Variants in PRMT1 observed in about 807,000 individuals in gnomAD.
The protein encoded by PRMT1 is protein arginine N-methyltransferase 1.
Under a neutral mutation model 47.4 loss-of-function variants are expected in PRMT1, and 5 were observed. The ratio of observed to expected loss-of-function variants is 0.11; its 90% CI spans 0.06 to 0.22. The LOEUF (loss-of-function observed/expected upper bound fraction) is 0.22. PRMT1 is among the 10% of genes least tolerant of loss of function. PRMT1 has a pLI of 1.00. For missense variants in PRMT1, 249 were observed against 518.4 expected (o/e 0.48, Z 5.05); for synonymous variants, 227 against 204.6 (o/e 1.11, Z -0.94).
At chr19:49,683,896 G>A in intron 5 of PRMT1, 31 bp from the exon 6 acceptor site, 3 of 1,599,032 alleles carry the variant, frequency 1.9e-6, no homozygotes, top group Non-Finnish European at 2.6e-6. Context: ...GCCTCCCGGG[G>A]GCTGACGTGG....
In PRMT1 at chr19:49,683,725, C is replaced by T. The variant is rs568024069; in HGVS notation, c.413-202C>T. The T allele has an allele frequency of 6.9e-5, 39 of 562,070 alleles. 1 individual carries two copies. In the South Asian group the frequency reaches 7.8e-4, roughly 11 times the overall value. The allele number at this position is 562,070 out of a possible 1,614,324, so 34.8% of individuals were successfully genotyped here. A position where few individuals can be genotyped will look rare whatever the true frequency, so the allele number is the denominator to read the frequency against. Reference sequence around the variant, plus strand: ...AAAAAAAAAGTAACATCACCTGATACCCAGTCCACATAAAATTTCTGCTCC... The same window carrying T: ...AAAAAAAAAGTAACATCACCTGATATCCAGTCCACATAAAATTTCTGCTCC... On this transcript the variant is annotated intron_variant, in intron 5 of 10. Transcript: ENST00000454376.
At position 49,680,872 on chromosome 19, in the gene PRMT1, G is replaced by A. The variant is rs976380611; in HGVS notation, c.192+284G>A. Among the ~76,000 whole-genome samples the A allele has an allele frequency of 5.3e-5, 8 of 152,344 alleles. No homozygotes were observed. Among genetic ancestry groups the A allele is most frequent in the Admixed American group, 1.3e-4 (2 of 15,308 alleles). ...CGGGCAGGGCCCACTGGTCTCTGCC[G>A]CCCTCTAGTGACCGGCGGTGGGACT... On this transcript the variant is annotated intron_variant, in intron 3 of 10. Transcript: ENST00000454376. The surrounding 1 kb of genome is among the most constrained non-coding windows in gnomAD (Gnocchi z 4.2).
At chr19:49,687,676 C>T (rs1402633885) in intron 10 of PRMT1, among the ~76,000 whole-genome samples, 4 of 152,098 alleles carry the variant, frequency 2.6e-5, no homozygotes, top group East Asian at 1.9e-4. Context: ...CCCGGGACCA[C>T]GGCACTAGCT....
Position 49,685,221 on chromosome 19 carries a change from G to T in PRMT1, c.759+184G>T, listed in dbSNP as rs192230368. On this transcript the variant is annotated intron_variant, in intron 8 of 10. Coordinates refer to ENST00000454376, the MANE Select transcript of PRMT1 (RefSeq NM_001536.6). This position sits in a 1 kb window ranked among gnomAD's most constrained non-coding sequence, Gnocchi z 4.7. ...TCGTCCTTTAAATATCTTTGTGAGC[G>T]CTGCTGTGTGAGAACCATGCTTGGC... 1.2e-5 allele frequency: 18 copies of T among 1,520,466 alleles called. No individual in the cohort carries two copies. The highest frequency in any genetic ancestry group is 1.5e-5 in the Non-Finnish European group (17 of 1,138,010). The allele number at this position is 1,520,466 out of a possible 1,614,324, so 94.2% of individuals were successfully genotyped here.
chr19:49,679,669 G>C (rs1277406412), intron 1 of PRMT1: 1 of 685,898 alleles, frequency 1.5e-6, no homozygotes, highest in Non-Finnish European at 2.7e-6. Context: ...AGCTGGGATA[G>C]GAGACCCCCC....
chr19:49,676,690 G>A (rs1481857561), upstream of PRMT1, among the ~76,000 whole-genome samples: 1 of 152,152 alleles, frequency 6.6e-6, no homozygotes, highest in Non-Finnish European at 1.5e-5. Context: ...CCCGGGTTGG[G>A]AGGATCCACC....
Position 49,685,052 on chromosome 19 carries a change from A to C in PRMT1, c.759+15A>C. ...GCCTCATAAAGGTGAGGGGGTGGGC[A>C]TGGCCAGGTGCCCCCTGGGTTGAAA... is the stretch of plus-strand genomic sequence containing the variant. On this transcript the variant is annotated intron_variant, in intron 8 of 10. Transcript: ENST00000454376. The surrounding 1 kb of genome is among the most constrained non-coding windows in gnomAD (Gnocchi z 4.7). 1 of 1,614,086 alleles carries C rather than the reference A, an allele frequency of 6.2e-7. No individual in the cohort carries two copies. The highest frequency in any genetic ancestry group is 1.1e-5 in the South Asian group (1 of 91,062).
Position 49,684,609 on chromosome 19 carries a change from T to C in PRMT1, c.556-145T>C. 1 of 965,716 alleles carries C rather than the reference T, an allele frequency of 1.0e-6. No homozygotes were observed. Among genetic ancestry groups the C allele is most frequent in the East Asian group, 2.7e-5 (1 of 37,144 alleles). The allele number at this position is 965,716 out of a possible 1,614,324, so 59.8% of individuals were successfully genotyped here. On this transcript the variant is annotated intron_variant, in intron 6 of 10. Transcript: ENST00000454376. The surrounding 1 kb of genome is among the most constrained non-coding windows in gnomAD (Gnocchi z 6.2). ...CCCTGGGTGCCCTCTGGCGGCCGTG[T>C]GGGAAATAGACCAGGGGGCGAGGGG...
At chr19:49,686,784 G>A (rs141919954) in intron 10 of PRMT1, 58 bp downstream of exon 10, 29 of 1,052,830 alleles carry the variant, frequency 2.8e-5, no homozygotes, top group African/African-American at 5.4e-5. Flanking sequence ...GTGTAGATTG[G>A]GGGGGGAGTG....
Position 49,680,752 on chromosome 19 carries a change from C to T in PRMT1, c.192+164C>T, listed in dbSNP as rs1023405498. Among the ~76,000 whole-genome samples the T allele has an allele frequency of 6.6e-6, 1 of 152,280 alleles. No homozygotes were observed. The highest frequency in any genetic ancestry group is 1.5e-5 in the Non-Finnish European group (1 of 68,048). On this transcript the variant is annotated intron_variant, in intron 3 of 10. Coordinates refer to ENST00000454376, the MANE Select transcript of PRMT1 (RefSeq NM_001536.6). The surrounding 1 kb of genome is among the most constrained non-coding windows in gnomAD (Gnocchi z 4.2). ...TAGGGTCGCCTCGCCAAGCCGTTGC[C>T]TTGGAGACCGAGGTTAGCCTGAATC...
chr19:49,679,807 C>T (rs376813927), intron 1 of PRMT1, 65 bp from the exon 2 acceptor site: 101 of 1,362,952 alleles, frequency 7.4e-5, no homozygotes, highest in Non-Finnish European at 9.2e-5. Flanking sequence ...GCCCAGGTTC[C>T]GCCACCCAGC....
Position 49,684,585 on chromosome 19 carries a change from C to G in PRMT1, c.556-169C>G, listed in dbSNP as rs1479066709. ...AGGGCCGGGAGCTGACTGGGGTGCC[C>G]CTGGGTGCCCTCTGGCGGCCGTGTG... On this transcript the variant is annotated intron_variant, in intron 6 of 10. Transcript: ENST00000454376. This position sits in a 1 kb window ranked among gnomAD's most constrained non-coding sequence, Gnocchi z 6.2. Among the ~76,000 whole-genome samples the G allele has an allele frequency of 6.6e-6, 1 of 152,158 alleles. No individual in the cohort carries two copies. Among genetic ancestry groups the G allele is most frequent in the Admixed American group, 6.5e-5 (1 of 15,282 alleles).
rs532929204 is a variant in PRMT1 at position 49,684,462 on chromosome 19, G to A, written c.556-292G>A. On this transcript the variant is annotated intron_variant, in intron 6 of 10. Coordinates refer to ENST00000454376, the MANE Select transcript of PRMT1 (RefSeq NM_001536.6). This position sits in a 1 kb window ranked among gnomAD's most constrained non-coding sequence, Gnocchi z 6.2. ...AGCAGGAGGAGGAGTGGAGGTGAGG[G>A]GTGACAGGGCGTGTGCAGATTTTGT... Among the ~76,000 whole-genome samples the A allele has an allele frequency of 9.2e-5, 14 of 152,222 alleles. No homozygotes were observed. The highest frequency in any genetic ancestry group is 8.5e-4 in the Admixed American group (13 of 15,302).
intron 5 of PRMT1, 33 bp downstream of exon 5, chr19:49,682,292 T>C: frequency 6.2e-7 from 1 of 1,604,784 alleles, no homozygotes; most frequent in Middle Eastern, 2.2e-4. Flanking sequence ...TTTGTGGGAG[T>C]GGAGGGGGTG....
At chr19:49,686,554 G>T in intron 9 of PRMT1, 51 bp from the exon 10 acceptor site, 1 of 1,573,998 alleles carries the variant, frequency 6.4e-7, no homozygotes, top group Non-Finnish European at 8.6e-7. Flanking sequence ...CGCAAGGGTG[G>T]GGTTGGGGGG....
chr19:49,677,400 T>C (rs777324091), intron 1 of PRMT1, 84 bp downstream of exon 1: 79 of 1,238,586 alleles, frequency 6.4e-5, no homozygotes, highest in Admixed American at 2.8e-4. Context: ...GGGCTCTAAG[T>C]TGGCGATATG....
Position 49,679,429 on chromosome 19 carries a change from C to A in PRMT1, c.37-443C>A, listed in dbSNP as rs376050893. The stretch of plus-strand genomic sequence containing the variant: ...CTGGTTTGCAGAGGTGGCAGATGCC[C>A]TGTGGGCATATCCTGCCAGCCCCGC... On this transcript the variant is annotated intron_variant, in intron 1 of 10. Coordinates refer to ENST00000454376, the MANE Select transcript of PRMT1 (RefSeq NM_001536.6). Among the ~76,000 whole-genome samples the A allele has an allele frequency of 8.1e-4, 123 of 152,282 alleles. 2 individuals carry two copies. The South Asian group carries it at 0.025, about 31-fold the overall frequency.
At chr19:49,679,215 G>T (rs2082079829) in intron 1 of PRMT1, among the ~76,000 whole-genome samples, 1 of 152,112 alleles carries the variant, frequency 6.6e-6, no homozygotes, top group Non-Finnish European at 1.5e-5. Context: ...ATTCTTAGAG[G>T]GTCCAGGAGC....
In PRMT1 at chr19:49,684,238, G is replaced by A. The variant is rs912468359; in HGVS notation, c.555+169G>A. Among the ~76,000 whole-genome samples the A allele has an allele frequency of 2.0e-5, 3 of 152,048 alleles. No individual in the cohort carries two copies. Among genetic ancestry groups the A allele is most frequent in the Admixed American group, 2.0e-4 (3 of 15,274 alleles). ...GTGACAGACCCTGGAGGGAGATGGT[G>A]CGATGTGGGGGAGGTCGTAGGAACA... is the stretch of plus-strand genomic sequence containing the variant. On this transcript the variant is annotated intron_variant, in intron 6 of 10. Coordinates refer to ENST00000454376, the MANE Select transcript of PRMT1 (RefSeq NM_001536.6). This position sits in a 1 kb window ranked among gnomAD's most constrained non-coding sequence, Gnocchi z 6.2.
Sources: allele counts gnomAD v4.1 joint callset (sites outside exome capture counted in the v4.1 genomes callset), GRCh38; gene constraint gnomAD v4.1.1; non-coding constraint Gnocchi (gnomAD v3.1); transcripts MANE v1.5; gene names NCBI Gene and HGNC (gene_info 2026-07-23, HGNC 2026-07-21).